Variants in IMMP1L observed in about 807,000 individuals in gnomAD.
IMMP1L encodes the protein mitochondrial inner membrane protease subunit 1.
A neutral mutation model predicts 21.8 loss-of-function variants in IMMP1L; 24 were observed. The observed-to-expected ratio is 1.10, with a 90% CI of 0.80 to 1.55. IMMP1L has a LOEUF of 1.55. Ranked by LOEUF, IMMP1L falls within the 40% of genes most tolerant of loss-of-function variation. The pLI is 0.00. For synonymous variants in IMMP1L, 46 were observed against 62.8 expected (o/e 0.73, Z 1.26); for missense variants, 195 against 200.7 (o/e 0.97, Z 0.17).
chr11:31,461,428 A>C (rs1172770664), intron 2 of IMMP1L, among the ~76,000 whole-genome samples: 1 of 152,188 alleles, frequency 6.6e-6, no homozygotes, highest in Non-Finnish European at 1.5e-5. Flanking sequence ...GAAGCAATTA[A>C]AGATTTTCCT....
chr11:31,469,239 T>C (rs551661571), intron 1 of IMMP1L, among the ~76,000 whole-genome samples: 28 of 151,526 alleles, frequency 1.8e-4, no homozygotes, highest in Non-Finnish European at 1.9e-4. Flanking sequence ...CATTATAAAA[T>C]AGAATCAAAT....
At chr11:31,485,060 C>A (rs1445710465) in intron 1 of IMMP1L, among the ~76,000 whole-genome samples, 2 of 151,810 alleles carry the variant, frequency 1.3e-5, no homozygotes, top group Non-Finnish European at 2.9e-5. Context: ...TTAAAAAATT[C>A]ACATTCAATA....
intron 1 of IMMP1L, among the ~76,000 whole-genome samples, chr11:31,495,913 C>T (rs918462971): frequency 6.6e-6 from 1 of 152,126 alleles, no homozygotes; most frequent in African/African-American, 2.4e-5. Flanking sequence ...CTACACAACT[C>T]TTGATTGGCC....
intron 1 of IMMP1L, among the ~76,000 whole-genome samples, chr11:31,506,090 CG>C (rs1365231821): frequency 2.0e-5 from 3 of 152,136 alleles, no homozygotes; most frequent in Non-Finnish European, 4.4e-5. Flanking sequence ...TATTTGCCCA[CG>C]TATCTTCCCC....
intron 1 of IMMP1L, among the ~76,000 whole-genome samples, chr11:31,485,876 C>T (rs1955054749): frequency 6.6e-6 from 1 of 151,616 alleles, no homozygotes; most frequent in African/African-American, 2.4e-5. Context: ...AACTCAGAGC[C>T]ATTATAAAAA....
intron 1 of IMMP1L, among the ~76,000 whole-genome samples, chr11:31,464,081 G>A (rs1307812643): frequency 6.6e-6 from 1 of 151,754 alleles, no homozygotes; most frequent in Non-Finnish European, 1.5e-5. Flanking sequence ...CTAACTCTTA[G>A]GCCTAGGCTA....
At chr11:31,450,128 C>A (rs1953691881) in intron 4 of IMMP1L, among the ~76,000 whole-genome samples, 1 of 152,150 alleles carries the variant, frequency 6.6e-6, no homozygotes, top group Non-Finnish European at 1.5e-5. Context: ...CAGGTAACAA[C>A]TTTACCCATC....
intron 1 of IMMP1L, among the ~76,000 whole-genome samples, chr11:31,484,206 T>C (rs1443772417): frequency 6.6e-6 from 1 of 151,918 alleles, no homozygotes; most frequent in Non-Finnish European, 1.5e-5. Flanking sequence ...TTAAAACTAA[T>C]CTAAAAGATA....
intron 4 of IMMP1L, among the ~76,000 whole-genome samples, chr11:31,445,790 G>GA (rs1953498099): frequency 6.6e-6 from 1 of 151,464 alleles, no homozygotes; most frequent in Non-Finnish European, 1.5e-5. Context: ...AGTGGCACGA[G>GA]ACGGATGGCA....
intron 1 of IMMP1L, among the ~76,000 whole-genome samples, chr11:31,498,613 C>A (rs886703748): frequency 1.6e-4 from 25 of 152,134 alleles, no homozygotes; most frequent in African/African-American, 6.0e-4. Context: ...CATAAACTGG[C>A]TACATAAAAA....
chr11:31,444,422 T>C (rs563831457), intron 4 of IMMP1L, among the ~76,000 whole-genome samples: 3 of 152,172 alleles, frequency 2.0e-5, no homozygotes, highest in Non-Finnish European at 4.4e-5. Context: ...CTATATTCAA[T>C]TATATAGCTC....
chr11:31,495,323 C>T (rs895461041), intron 1 of IMMP1L, among the ~76,000 whole-genome samples: 1 of 152,182 alleles, frequency 6.6e-6, no homozygotes, highest in African/African-American at 2.4e-5. Flanking sequence ...TCTGAGCCCT[C>T]CAAACTGTTC....
At chr11:31,500,128 T>C (rs953119008) in intron 1 of IMMP1L, among the ~76,000 whole-genome samples, 2 of 152,040 alleles carry the variant, frequency 1.3e-5, no homozygotes, top group African/African-American at 2.4e-5. Context: ...CACCAATAAA[T>C]TAAGTCCTAC....
chr11:31,473,216 AT>A (rs59723276), intron 1 of IMMP1L, among the ~76,000 whole-genome samples: 1 of 151,910 alleles, frequency 6.6e-6, no homozygotes, highest in South Asian at 2.1e-4. Context: ...CGCCCGGCTA[AT>A]TTTTTGTATT....
intron 1 of IMMP1L, among the ~76,000 whole-genome samples, chr11:31,478,776 T>A (rs890741041): frequency 6.6e-6 from 1 of 152,162 alleles, no homozygotes; most frequent in Non-Finnish European, 1.5e-5. Context: ...AAATAAAATA[T>A]GTATGCCTAC....
intron 2 of IMMP1L, among the ~76,000 whole-genome samples, chr11:31,462,702 G>A (rs975599072): frequency 2.6e-5 from 4 of 152,166 alleles, no homozygotes; most frequent in East Asian, 1.9e-4. Context: ...ACAAATATGT[G>A]TTGAAATTTC....
intron 1 of IMMP1L, among the ~76,000 whole-genome samples, chr11:31,478,756 T>C (rs1954800426): frequency 6.6e-6 from 1 of 152,168 alleles, no homozygotes; most frequent in South Asian, 2.1e-4. Flanking sequence ...CAATTATGTA[T>C]GACCATTTTA....
chr11:31,494,831 G>A (rs1955381002), intron 1 of IMMP1L, among the ~76,000 whole-genome samples: 1 of 151,994 alleles, frequency 6.6e-6, no homozygotes, highest in Admixed American at 6.6e-5. Flanking sequence ...ATTTTTAGTA[G>A]AAACAGGTTT....
At chr11:31,496,872 T>C (rs905283952) in intron 1 of IMMP1L, among the ~76,000 whole-genome samples, 51 of 148,036 alleles carry the variant, frequency 3.4e-4, no homozygotes, top group African/African-American at 1.2e-3. Context: ...TATAATCTTA[T>C]ATATATCTGA....
Sources: allele counts gnomAD v4.1 joint callset (sites outside exome capture counted in the v4.1 genomes callset), GRCh38; gene constraint gnomAD v4.1.1; transcripts MANE v1.5; gene names NCBI Gene and HGNC (gene_info 2026-07-23, HGNC 2026-07-21).